Variants in PCDH15 observed in about 807,000 individuals in gnomAD.
PCDH15 encodes protocadherin-15.
Under a neutral mutation model 178.5 loss-of-function variants are expected in PCDH15, and 129 were observed. The observed-to-expected ratio is 0.72, with a 90% confidence interval of 0.63 to 0.84. The LOEUF (loss-of-function observed/expected upper bound fraction) is 0.84. PCDH15 is among the 40% of genes least tolerant of loss of function. The pLI, the probability that PCDH15 is intolerant of heterozygous loss-of-function variation, is 0.00. For missense variants in PCDH15, 2,230 were observed against 2,099.9 expected (o/e 1.06, Z -1.21); for synonymous variants, 800 against 732.0 (o/e 1.09, Z -1.50).
intron 2 of PCDH15, among the ~76,000 whole-genome samples, chr10:55,456,627 G>A (rs990966642): frequency 6.6e-6 from 1 of 151,890 alleles, no homozygotes; most frequent in Non-Finnish European, 1.5e-5. Context: ...CACTAATTAT[G>A]CAATATTTTC....
intron 8 of PCDH15, among the ~76,000 whole-genome samples, chr10:54,283,320 A>G (rs2058819020): frequency 6.6e-6 from 1 of 152,138 alleles, no homozygotes; most frequent in African/African-American, 2.4e-5. Context: ...AATTCTTGGG[A>G]AATAATTAAA....
chr10:54,254,424 TGATA>T (rs1169364866), intron 8 of PCDH15, among the ~76,000 whole-genome samples: 3 of 152,248 alleles, frequency 2.0e-5, no homozygotes, highest in Non-Finnish European at 2.9e-5. Flanking sequence ...TTCATTTTTT[TGATA>T]GATAGTCTTG....
chr10:54,369,162 T>C lies in PCDH15; in HGVS notation c.432A>G (p.Ser144=). ...RIVVRDRNDN[S]PTFKHESYYA... ...AGTAGCTTTCATGCTTGAAAGTGGGTGAGTTGTCATTCCTGTCTCTCACCA... is the reference window on the plus strand; with the variant it reads ...AGTAGCTTTCATGCTTGAAAGTGGGCGAGTTGTCATTCCTGTCTCTCACCA... The change falls in exon 5 of 38, where the codon TCA becomes TCG. Residue 144 remains serine (S), a synonymous_variant. Coordinates refer to ENST00000644397, the MANE Select transcript of PCDH15 (RefSeq NM_001384140.1). 1 of 1,613,000 alleles carries C rather than the reference T, an allele frequency of 6.2e-7. No individual in the cohort carries two copies. The highest frequency in any genetic ancestry group is 8.5e-7 in the Non-Finnish European group (1 of 1,179,380).
At chr10:55,184,076 T>G (rs1839728955) in intron 1 of PCDH15, among the ~76,000 whole-genome samples, 1 of 151,896 alleles carries the variant, frequency 6.6e-6, no homozygotes, top group South Asian at 2.1e-4. Flanking sequence ...ACAGACAGTG[T>G]ATGTGACCCT....
intron 1 of PCDH15, among the ~76,000 whole-genome samples, chr10:55,207,829 C>T (rs151193897): frequency 1.3e-5 from 2 of 152,016 alleles, no homozygotes; most frequent in African/African-American, 2.4e-5. Context: ...ATTAGCTGGG[C>T]GTGGTGGCAC....
In PCDH15 at chr10:54,889,500, GAT is replaced by G. The variant is rs397688090; in HGVS notation, c.-29+7948_-29+7949del. Among the ~76,000 whole-genome samples, 13 of 142,002 alleles carry G rather than the reference GAT, an allele frequency of 9.2e-5. No homozygotes were observed. In the East Asian group the frequency reaches 1.0e-3, roughly 11 times the overall value. The allele number at this position is 142,002 out of a possible 152,430, so 93.2% of individuals were successfully genotyped here. Reference sequence around the variant, plus strand: ...AGTATTTTGAATAGCTAATTGTGAAGATATATATATATATATATGATCTATAT... The same window carrying G: ...AGTATTTTGAATAGCTAATTGTGAAGATATATATATATATATGATCTATAT... On this transcript the variant is annotated intron_variant, in intron 3 of 5. Coordinates refer to the PCDH15 transcript ENST00000458638.
chr10:54,192,150 AAGAAAAAG>A (rs138835321), intron 11 of PCDH15, among the ~76,000 whole-genome samples: 4,591 of 88,928 alleles, frequency 0.052, 88 homozygotes, highest in African/African-American at 0.074. Context: ...GAAAGAAAGA[AAGAAAAAG>A]AAAGAAAGAA....
intron 2 of PCDH15, among the ~76,000 whole-genome samples, chr10:55,103,468 T>C (rs1210807846): frequency 6.6e-6 from 1 of 152,130 alleles, no homozygotes; most frequent in Non-Finnish European, 1.5e-5. Context: ...ATGTTTTTTG[T>C]TATATCCACA....
chr10:54,105,825 C>T (rs2094908117), intron 15 of PCDH15, among the ~76,000 whole-genome samples: 1 of 151,992 alleles, frequency 6.6e-6, no homozygotes, highest in African/African-American at 2.4e-5. Context: ...TGTTCACACA[C>T]AAAAATATAT....
intron 1 of PCDH15, among the ~76,000 whole-genome samples, chr10:55,267,185 C>T (rs181147679): frequency 1.3e-5 from 2 of 152,208 alleles, no homozygotes; most frequent in East Asian, 3.9e-4. Flanking sequence ...TATACACATA[C>T]ACACACACAT....
At chr10:54,120,723 T>G (rs2095203142) in intron 15 of PCDH15, among the ~76,000 whole-genome samples, 1 of 151,198 alleles carries the variant, frequency 6.6e-6, no homozygotes, top group Non-Finnish European at 1.5e-5. Flanking sequence ...TGATAAAGGG[T>G]TCAATTCAAA....
At chr10:54,216,101 C>G (rs2052029195) in intron 9 of PCDH15, among the ~76,000 whole-genome samples, 2 of 143,602 alleles carry the variant, frequency 1.4e-5, no homozygotes, top group African/African-American at 5.2e-5. Flanking sequence ...ATGTTCATAT[C>G]CCGAATATAT....
chr10:54,120,823 T>C (rs1419506408), intron 15 of PCDH15, among the ~76,000 whole-genome samples: 1 of 152,060 alleles, frequency 6.6e-6, no homozygotes, highest in East Asian at 1.9e-4. Flanking sequence ...TACAAAGACT[T>C]AGCCACACAA....
intron 8 of PCDH15, among the ~76,000 whole-genome samples, chr10:54,253,541 G>T (rs1244805281): frequency 6.6e-6 from 1 of 151,962 alleles, no homozygotes; most frequent in Non-Finnish European, 1.5e-5. Context: ...ATATACCCTT[G>T]CTGTATGAAG....
intron 9 of PCDH15, among the ~76,000 whole-genome samples, chr10:54,228,410 T>G (rs921474600): frequency 2.6e-5 from 4 of 152,100 alleles, no homozygotes; most frequent in African/African-American, 9.7e-5. Flanking sequence ...AGGAAAGACT[T>G]GGCCCCATTA....
intron 9 of PCDH15, among the ~76,000 whole-genome samples, chr10:54,230,067 G>T (rs1319743922): frequency 6.6e-6 from 1 of 152,168 alleles, no homozygotes; most frequent in African/African-American, 2.4e-5. Context: ...CAGGCCTTCA[G>T]AAGTTTGATA....
At chr10:54,866,021 T>C (rs1686574848) in intron 3 of PCDH15, among the ~76,000 whole-genome samples, 1 of 152,092 alleles carries the variant, frequency 6.6e-6, no homozygotes, top group Non-Finnish European at 1.5e-5. Context: ...TGATCAAGAT[T>C]TTTGTGAGGA....
intron 27 of PCDH15, among the ~76,000 whole-genome samples, chr10:53,860,655 T>C (rs7072528): frequency 0.43 from 63,109 of 147,108 alleles, 17,012 homozygotes; most frequent in East Asian, 0.98. Context: ...TGCTTGAACC[T>C]GGGAGGCAGA....
chr10:54,163,247 A>G (rs2045890852), intron 13 of PCDH15, among the ~76,000 whole-genome samples: 2 of 152,144 alleles, frequency 1.3e-5, no homozygotes, highest in African/African-American at 2.4e-5. Flanking sequence ...TCACACTGCT[A>G]TAAGGAACTA....
Sources: allele counts gnomAD v4.1 joint callset (sites outside exome capture counted in the v4.1 genomes callset), GRCh38; gene constraint gnomAD v4.1.1; transcripts MANE v1.5; gene names NCBI Gene and HGNC (gene_info 2026-07-23, HGNC 2026-07-21).